CPLX4: variants seen among roughly 807,000 people sequenced by gnomAD.
CPLX4 encodes complexin-4.
Under a neutral mutation model 16.1 loss-of-function variants are expected in CPLX4, and 17 were observed. That is an observed-to-expected ratio of 1.06 (90% confidence interval 0.72 to 1.59). CPLX4 has a LOEUF of 1.59. Ranked by LOEUF, CPLX4 falls within the 40% of genes most tolerant of loss-of-function variation. The pLI is 0.00. For synonymous variants in CPLX4, 55 were observed against 57.8 expected (o/e 0.95, Z 0.22); for missense variants, 193 against 192.9 (o/e 1.00, Z 0.00).
In CPLX4 at chr18:59,295,541, T is replaced by C. The variant is rs1253457653; in HGVS notation, c.*1157A>G. 1.3e-5 allele frequency: 2 copies of C among 150,860 alleles called. No individual in the cohort carries two copies. The highest frequency in any genetic ancestry group is 3.9e-4 in the East Asian group (2 of 5,138). The allele number at this position is 150,860 out of a possible 1,614,324, so 9.3% of individuals were successfully genotyped here. ...CAGTTTCCTTTTCCTTTGATAGATC[T>C]TTATTCACTGTATGAACAGAGTCAC... On this transcript the variant is annotated 3_prime_UTR_variant, in exon 3 of 3. Transcript: ENST00000299721.
chr18:59,297,750 A>T (rs2070511694), intron 2 of CPLX4, among the ~76,000 whole-genome samples: 2 of 152,222 alleles, frequency 1.3e-5, no homozygotes, highest in African/African-American at 4.8e-5. Context: ...ATGAGGTCTC[A>T]GTTTATAGTA....
Position 59,296,200 on chromosome 18 carries a change from G to T in CPLX4, c.*498C>A. Reference sequence around the variant, plus strand: ...CATTGACAAATTCAAGGATCCTAGAGGTGAGGGGTGGGGGTGGTGACCTTT... The same window carrying T: ...CATTGACAAATTCAAGGATCCTAGATGTGAGGGGTGGGGGTGGTGACCTTT... On this transcript the variant is annotated 3_prime_UTR_variant, in exon 3 of 3. Coordinates refer to ENST00000299721, the MANE Select transcript of CPLX4 (RefSeq NM_181654.4). 1 of 172,824 alleles carries T rather than the reference G, an allele frequency of 5.8e-6. No homozygotes were observed. The highest frequency in any genetic ancestry group is 6.3e-5 in the Admixed American group (1 of 16,000). 10.7% of individuals were successfully genotyped at this position (172,824 alleles called of 1,614,324 possible). A position where few individuals can be genotyped will look rare whatever the true frequency, so the allele number is the denominator to read the frequency against.
intron 2 of CPLX4, among the ~76,000 whole-genome samples, chr18:59,297,268 G>C (rs1255714322): frequency 2.0e-5 from 3 of 150,754 alleles, no homozygotes; most frequent in Non-Finnish European, 4.4e-5. Context: ...ATGGAGCCCA[G>C]CCATCTGGAA....
At chr18:59,314,375 CT>C (rs1471820792) in intron 1 of CPLX4, among the ~76,000 whole-genome samples, 1 of 152,082 alleles carries the variant, frequency 6.6e-6, no homozygotes, top group Admixed American at 6.6e-5. Context: ...ACCTATTCCT[CT>C]CTTTATCCAC....
chr18:59,314,189 G>A (rs773246386), intron 1 of CPLX4, among the ~76,000 whole-genome samples: 7 of 152,088 alleles, frequency 4.6e-5, no homozygotes, highest in Admixed American at 6.6e-5. Context: ...GAGGGACATC[G>A]AATAAAGTGA....
intron 2 of CPLX4, among the ~76,000 whole-genome samples, chr18:59,305,178 A>G (rs1487706203): frequency 6.6e-6 from 1 of 152,108 alleles, no homozygotes; most frequent in Non-Finnish European, 1.5e-5. Context: ...CCCTGGAAGA[A>G]GTGGCACTGA....
chr18:59,302,263 G>A lies in CPLX4; in HGVS notation c.256-5338C>T, dbSNP rs530980521. Among the ~76,000 whole-genome samples, 16 of 152,300 alleles carry A rather than the reference G, an allele frequency of 1.1e-4. 1 individual carries two copies. In the South Asian group the frequency reaches 3.1e-3, roughly 30 times the overall value. On this transcript the variant is annotated intron_variant, in intron 2 of 2. Coordinates refer to ENST00000299721, the MANE Select transcript of CPLX4 (RefSeq NM_181654.4). Reference sequence around the variant, plus strand: ...GACAAATCTTGGGTTGGGGAGACCAGGAATATTTGGACACAGTTCACACTT... The same window carrying A: ...GACAAATCTTGGGTTGGGGAGACCAAGAATATTTGGACACAGTTCACACTT...
chr18:59,302,464 T>C (rs536418645), intron 2 of CPLX4, among the ~76,000 whole-genome samples: 2 of 152,264 alleles, frequency 1.3e-5, no homozygotes, highest in African/African-American at 2.4e-5. Context: ...AGGGGACTTA[T>C]AGGCTATACT....
At chr18:59,304,697 G>A (rs1017566263) in intron 2 of CPLX4, among the ~76,000 whole-genome samples, 3 of 152,000 alleles carry the variant, frequency 2.0e-5, no homozygotes, top group South Asian at 2.1e-4. Flanking sequence ...TCAGCCTCCC[G>A]AGTAGCTGGG....
chr18:59,303,781 C>T (rs1364131368), intron 2 of CPLX4, among the ~76,000 whole-genome samples: 3 of 152,206 alleles, frequency 2.0e-5, no homozygotes, highest in African/African-American at 7.2e-5. Flanking sequence ...GCTTCCCATC[C>T]CCATGCTCCC....
chr18:59,310,821 T>C (rs1312411684), intron 2 of CPLX4, among the ~76,000 whole-genome samples: 3 of 152,122 alleles, frequency 2.0e-5, no homozygotes, highest in African/African-American at 7.2e-5. Context: ...TTAAAAACCA[T>C]GTGATATTGC....
chr18:59,312,553 T>G, intron 2 of CPLX4, 132 bp downstream of exon 2: 1 of 188,778 alleles, frequency 5.3e-6, no homozygotes, highest in Non-Finnish European at 1.0e-5. Context: ...ATATATATTT[T>G]TATATATATA....
In CPLX4 at chr18:59,296,895, C is replaced by T; in HGVS notation, c.286G>A (p.Ala96Thr). 6.2e-7 allele frequency: 1 copy of T among 1,612,038 alleles called. No individual in the cohort carries two copies. The highest frequency in any genetic ancestry group is 8.5e-7 in the Non-Finnish European group (1 of 1,179,712). Residue 96 changes from alanine (A) to threonine (T), a missense_variant, in exon 3 of 3, where the codon GCT (alanine) becomes ACT (threonine). Ala to Thr is a moderately conservative substitution (Grantham distance 58). Transcript: ENST00000299721. ...TCAGGTAAATCCACATCATCTCCAGCCATCTGGATTTGATTCTCATCCATT... is the reference window on the plus strand; with the variant it reads ...TCAGGTAAATCCACATCATCTCCAGTCATCTGGATTTGATTCTCATCCATT... The part of the protein sequence containing the change: ...SEMDENQIQM[A>T]GDDVDLPEDL...
chr18:59,302,657 A>C (rs1426127782), intron 2 of CPLX4, among the ~76,000 whole-genome samples: 1 of 152,190 alleles, frequency 6.6e-6, no homozygotes, highest in Non-Finnish European at 1.5e-5. Context: ...CCATTATTTA[A>C]ATAGCTCCAT....
At chr18:59,315,083 A>C (rs2070643265) in intron 1 of CPLX4, among the ~76,000 whole-genome samples, 1 of 152,208 alleles carries the variant, frequency 6.6e-6, no homozygotes, top group South Asian at 2.1e-4. Context: ...ATTTAGTTTT[A>C]TAAGAAACAG....
chr18:59,303,035 G>A (rs2070552351), intron 2 of CPLX4, among the ~76,000 whole-genome samples: 1 of 152,214 alleles, frequency 6.6e-6, no homozygotes, highest in Non-Finnish European at 1.5e-5. Flanking sequence ...ATAATGGTGA[G>A]GATCATGGAC....
intron 2 of CPLX4, among the ~76,000 whole-genome samples, chr18:59,309,930 T>C (rs1344871427): frequency 6.6e-6 from 1 of 151,742 alleles, no homozygotes; most frequent in Non-Finnish European, 1.5e-5. Flanking sequence ...CTCTTTTTCA[T>C]GGTTGTGGGG....
At position 59,318,406 on chromosome 18, in the gene CPLX4, A is replaced by G. The variant is rs1180124223; in HGVS notation, c.57T>C (p.Gly19=). The G allele has an allele frequency of 5.6e-6, 9 of 1,613,700 alleles. No individual in the cohort carries two copies. Among genetic ancestry groups the G allele is most frequent in the Non-Finnish European group, 7.6e-6 (9 of 1,179,828 alleles). The change falls in exon 1 of 3, where the codon GGT becomes GGC. Residue 19 remains glycine, a synonymous_variant. Transcript: ENST00000299721. The part of the protein sequence containing the change: ...ISNQVKNLGF[G]GGSEENKEEG... ...CTTCTTTATTTTCTTCAGACCCACC[A>G]CCAAATCCTAAATTCTTTACCTGGT...
chr18:59,313,609 A>G (rs1199273120), intron 1 of CPLX4, among the ~76,000 whole-genome samples: 1 of 152,224 alleles, frequency 6.6e-6, no homozygotes, highest in Non-Finnish European at 1.5e-5. Flanking sequence ...CCCTCTGGCT[A>G]TATTGGGTTA....
Sources: allele counts gnomAD v4.1 joint callset (sites outside exome capture counted in the v4.1 genomes callset), GRCh38; gene constraint gnomAD v4.1.1; transcripts MANE v1.5; gene names NCBI Gene and HGNC (gene_info 2026-07-23, HGNC 2026-07-21).